The following ATF2 variants were observed in gnomAD, a reference collection of about 807,000 sequenced individuals.
ATF2 encodes the protein activating transcription factor 2.
Under a neutral mutation model 60.6 loss-of-function variants are expected in ATF2, and 24 were observed. That is an observed-to-expected ratio of 0.40 (90% CI 0.29 to 0.56). The LOEUF (loss-of-function observed/expected upper bound fraction) is 0.56. ATF2 is among the 20% of genes least tolerant of loss of function. The pLI is 0.54. For missense variants in ATF2, 433 were observed against 607.7 expected, an observed-to-expected ratio of 0.71 and a Z score of 3.02; for synonymous variants, 206 against 215.4, an observed-to-expected ratio of 0.96 and a Z score of 0.38.
intron 12 of ATF2, among the ~76,000 whole-genome samples, chr2:175,089,639 A>C (rs768906613): frequency 1.6e-4 from 24 of 152,332 alleles, no homozygotes; most frequent in Non-Finnish European, 3.2e-4. Flanking sequence ...TTTCTCCCTG[A>C]ATCTATTATA....
At chr2:175,124,415 A>G (rs1697182064) in intron 4 of ATF2, among the ~76,000 whole-genome samples, 2 of 151,884 alleles carry the variant, frequency 1.3e-5, no homozygotes, top group Admixed American at 6.6e-5. Flanking sequence ...TTAAGTTCTG[A>G]TATCTGGGAA....
chr2:175,090,723 C>G (rs1694486025), intron 12 of ATF2, among the ~76,000 whole-genome samples: 1 of 152,036 alleles, frequency 6.6e-6, no homozygotes, highest in Middle Eastern at 3.2e-3. Flanking sequence ...ATTTAGCTTT[C>G]ATTTAATAGT....
chr2:175,110,954 T>G (rs1221017296), intron 10 of ATF2, among the ~76,000 whole-genome samples: 2 of 152,126 alleles, frequency 1.3e-5, no homozygotes, highest in African/African-American at 4.8e-5. Context: ...CTAAGAAAAT[T>G]AGAACGTTTA....
Position 175,100,804 on chromosome 2 carries a change from A to G in ATF2, c.829-3211T>C, listed in dbSNP as rs187035022. 1.6e-3 allele frequency among the ~76,000 whole-genome samples: 248 copies of G among 152,266 alleles called. 2 individuals are homozygous for G. Among genetic ancestry groups the G allele is most frequent in the East Asian group, 5.8e-4 (3 of 5,184 alleles). On this transcript the variant is annotated intron_variant, in intron 10 of 13. Coordinates refer to ENST00000264110, the MANE Select transcript of ATF2 (RefSeq NM_001880.4). ...TTTTAAAACTTCTAAGTTGCTAGCC[A>G]ATCAGGACAAATACAGAATGTGAGG... is the stretch of plus-strand genomic sequence containing the variant.
intron 12 of ATF2, 116 bp downstream of exon 12, chr2:175,092,945 C>T: frequency 9.7e-7 from 1 of 1,028,266 alleles, no homozygotes. Context: ...CTATAGATTC[C>T]ATACACACCC....
rs148973178 is a variant in ATF2 at position 175,141,586 on chromosome 2, G to A, written c.-43-5100C>T. On this transcript the variant is annotated intron_variant, in intron 2 of 13. Coordinates refer to ENST00000264110, the MANE Select transcript of ATF2 (RefSeq NM_001880.4). ...CGGTTCACTGTAAGCTCCATCTCCC[G>A]GGTTCACGCCATTCTCCTGCCTCAG... 1.4e-4 allele frequency among the ~76,000 whole-genome samples: 22 copies of A among 151,940 alleles called. No homozygotes were observed. The East Asian group carries it at 4.1e-3, about 28-fold the overall frequency.
chr2:175,080,919 G>A (rs1015533374), intron 12 of ATF2, among the ~76,000 whole-genome samples, 154 bp from the exon 13 acceptor site: 6 of 152,078 alleles, frequency 3.9e-5, no homozygotes, highest in Non-Finnish European at 7.4e-5. Flanking sequence ...TCAGCACAGG[G>A]CAGCTTTTAT....
At chr2:175,145,517 T>C (rs371833044) in intron 2 of ATF2, among the ~76,000 whole-genome samples, 36 of 152,356 alleles carry the variant, frequency 2.4e-4, no homozygotes, top group African/African-American at 7.9e-4. Flanking sequence ...CATGCTTGTA[T>C]AGCCTGTGGA....
intron 2 of ATF2, among the ~76,000 whole-genome samples, chr2:175,145,727 C>T (rs1347999941): frequency 2.0e-5 from 3 of 152,144 alleles, no homozygotes; most frequent in Non-Finnish European, 2.9e-5. Context: ...TCCTTCCTTA[C>T]TTTCTGGCAC....
intron 10 of ATF2, among the ~76,000 whole-genome samples, chr2:175,106,906 G>C (rs529994232): frequency 6.6e-6 from 1 of 152,128 alleles, no homozygotes; most frequent in Non-Finnish European, 1.5e-5. Flanking sequence ...TCTCATGCCC[G>C]TAATCCCAGT....
chr2:175,162,096 A>G (rs1279462777), intron 1 of ATF2, among the ~76,000 whole-genome samples: 2 of 152,196 alleles, frequency 1.3e-5, no homozygotes. Flanking sequence ...TAAAATACTC[A>G]GTGTACAAAC....
chr2:175,097,284 A>G (rs578103084), intron 11 of ATF2, among the ~76,000 whole-genome samples, 160 bp downstream of exon 11: 1 of 152,352 alleles, frequency 6.6e-6, no homozygotes, highest in African/African-American at 2.4e-5. Flanking sequence ...TTATTTTTGT[A>G]TCAATACTTG....
At chr2:175,113,109 TC>T (rs1186148075) in intron 9 of ATF2, among the ~76,000 whole-genome samples, 1 of 152,166 alleles carries the variant, frequency 6.6e-6, no homozygotes, top group Non-Finnish European at 1.5e-5. Context: ...GTGCTAGATG[TC>T]TCAAAAAGTG....
At chr2:175,139,397 C>T (rs1043489691) in intron 2 of ATF2, among the ~76,000 whole-genome samples, 1 of 152,126 alleles carries the variant, frequency 6.6e-6, no homozygotes, top group South Asian at 2.1e-4. Flanking sequence ...GATAGCCAGG[C>T]GCAGTGGCTC....
chr2:175,149,078 T>C (rs1699136296), intron 2 of ATF2, among the ~76,000 whole-genome samples: 1 of 152,186 alleles, frequency 6.6e-6, no homozygotes, highest in Non-Finnish European at 1.5e-5. Context: ...ACTCTTCTCA[T>C]CAACAGGATA....
At chr2:175,075,062 ATG>A in intron 13 of ATF2, 1 of 1,393,572 alleles carries the variant, frequency 7.2e-7, no homozygotes, top group East Asian at 2.9e-5. Context: ...CCACTGCCTT[ATG>A]GAATAGAGCT....
In ATF2 at chr2:175,108,699, G is replaced by C. The variant is rs1032988192; in HGVS notation, c.828+2869C>G. Among the ~76,000 whole-genome samples the C allele has an allele frequency of 3.5e-4, 54 of 152,216 alleles. 1 individual carries two copies. Among genetic ancestry groups the C allele is most frequent in the Non-Finnish European group, 8.8e-5 (6 of 68,018 alleles). On this transcript the variant is annotated intron_variant, in intron 10 of 13. Coordinates refer to ENST00000264110, the MANE Select transcript of ATF2 (RefSeq NM_001880.4). ...TGTACCCAACAGCTCATTGAGAACG[G>C]GCCATGATGACGATGGCGGTTTTGC...
chr2:175,137,133 G>C (rs1006062726), intron 2 of ATF2, among the ~76,000 whole-genome samples: 1 of 152,126 alleles, frequency 6.6e-6, no homozygotes, highest in African/African-American at 2.4e-5. Context: ...TCATAATTTT[G>C]TTCATAAATG....
At chr2:175,088,526 C>A (rs1694320369) in intron 12 of ATF2, among the ~76,000 whole-genome samples, 1 of 151,970 alleles carries the variant, frequency 6.6e-6, no homozygotes, top group African/African-American at 2.4e-5. Context: ...GCTTCCACTC[C>A]ACACACATTT....
Sources: gnomAD v4.1 joint callset for allele counts (sites outside exome capture counted in the v4.1 genomes callset) on GRCh38, gnomAD v4.1.1 for gene constraint, MANE v1.5 for transcripts, NCBI Gene and HGNC (gene_info 2026-07-23, HGNC 2026-07-21) for gene names.